The following MARK2 variants were observed in gnomAD, a reference collection of about 807,000 sequenced individuals.
The protein encoded by MARK2 is microtubule affinity regulating kinase 2.
In MARK2, 16 loss-of-function variants were observed where a neutral mutation model predicts 89.8. The ratio of observed to expected loss-of-function variants is 0.18; its 90% confidence interval spans 0.12 to 0.27. The LOEUF (loss-of-function observed/expected upper bound fraction) is 0.27, where lower values mean the gene tolerates loss of function less well. Among genes scored for constraint, MARK2 ranks in the 10% least tolerant of loss-of-function variants. The pLI is 1.00. For synonymous variants in MARK2, 382 were observed against 399.5 expected (o/e 0.96, Z 0.52); for missense variants, 621 against 1,049.9 (o/e 0.59, Z 5.65).
At chr11:63,877,461 C>G (rs1319924154) in intron 1 of MARK2, among the ~76,000 whole-genome samples, 1 of 152,024 alleles carries the variant, frequency 6.6e-6, no homozygotes, top group Non-Finnish European at 1.5e-5. Context: ...TAAAAAGTGC[C>G]TTTTGGCCAG....
At chr11:63,892,077 G>T (rs1040623934) in intron 1 of MARK2, among the ~76,000 whole-genome samples, 6 of 152,260 alleles carry the variant, frequency 3.9e-5, no homozygotes, top group Admixed American at 2.0e-4. Flanking sequence ...CAGAGCACCA[G>T]AGAGCTCTGT....
At position 63,856,778 on chromosome 11, in the gene MARK2, T is replaced by G. The variant is rs1202687309; in HGVS notation, c.54+17218T>G. On this transcript the variant is annotated intron_variant, in intron 1 of 18. Coordinates refer to ENST00000402010, the MANE Select transcript of MARK2 (RefSeq NM_001039469.3). ...TTTTAAATTTTTCATGTTTTTTTTTTTTTTTTTTTTTTTTTTTTTTTTTTT... is the reference window on the plus strand; with the variant it reads ...TTTTAAATTTTTCATGTTTTTTTTTGTTTTTTTTTTTTTTTTTTTTTTTTT... Among the ~76,000 whole-genome samples the G allele has an allele frequency of 5.2e-3, 58 of 11,168 alleles. 1 individual carries two copies. The highest frequency in any genetic ancestry group is 0.036 in the African/African-American group (52 of 1,448). The allele number at this position is 11,168 out of a possible 152,430, so 7.3% of individuals were successfully genotyped here.
chr11:63,861,751 T>TA (rs1006687781), intron 1 of MARK2, among the ~76,000 whole-genome samples: 3 of 150,608 alleles, frequency 2.0e-5, no homozygotes, highest in Admixed American at 1.3e-4. Flanking sequence ...TTTTTTTTTT[T>TA]TTTTTTTGAG....
intron 1 of MARK2, among the ~76,000 whole-genome samples, chr11:63,859,575 T>TC (rs1215791473): frequency 6.6e-6 from 1 of 151,824 alleles, no homozygotes; most frequent in African/African-American, 2.4e-5. Flanking sequence ...CACCTTGGCC[T>TC]CCCAAAGTAC....
Position 63,904,903 on chromosome 11 carries a change from T to C in MARK2, c.1794T>C (p.His598=). Residue 598 remains histidine (H), a synonymous_variant, in exon 16 of 19, where the codon CAT becomes CAC. Coordinates refer to ENST00000402010, the MANE Select transcript of MARK2 (RefSeq NM_001039469.3). The surrounding 1 kb of genome is among the most constrained non-coding windows in gnomAD (Gnocchi z 6.3). ...GTGTGTCCAGCCGAAGCACCTTCCA[T>C]GCTGGGCAGCTCCGACAGGTGCGGG... ...PRGVSSRSTF[H]AGQLRQVRDQ... 1 of 1,614,220 alleles carries C rather than the reference T, an allele frequency of 6.2e-7. No individual in the cohort carries two copies. The highest frequency in any genetic ancestry group is 8.5e-7 in the Non-Finnish European group (1 of 1,180,040).
chr11:63,900,813 C>T lies in MARK2; in HGVS notation c.922C>T (p.His308Tyr). The change falls in exon 10 of 19, where the codon CAC becomes TAC. Residue 308 changes from histidine to tyrosine, a missense_variant. Around this residue, in one of 5 missense-constraint regions of MARK2, gnomAD observed 397 missense variants for 567.8 expected, o/e 0.70. Transcript: ENST00000402010. This position sits in a 1 kb window ranked among gnomAD's most constrained non-coding sequence, Gnocchi z 4.7. ...IMKDRWMNVG[H>Y]EDDELKPYVE... ...GAAAGATCGATGGATGAATGTGGGT[C>T]ACGAAGATGATGAACTAAAGCCTTA... is the stretch of plus-strand genomic sequence containing the variant. 2 of 1,614,130 alleles carry T rather than the reference C, an allele frequency of 1.2e-6. No homozygotes were observed. The highest frequency in any genetic ancestry group is 1.7e-6 in the Non-Finnish European group (2 of 1,180,016).
intron 1 of MARK2, among the ~76,000 whole-genome samples, chr11:63,863,374 C>A (rs1400071997): frequency 6.6e-6 from 1 of 152,054 alleles, no homozygotes; most frequent in South Asian, 2.1e-4. Flanking sequence ...GCTTGTCTAA[C>A]TTCGGCAAGG....
chr11:63,865,804 G>T (rs535829509), intron 1 of MARK2, among the ~76,000 whole-genome samples: 1 of 152,178 alleles, frequency 6.6e-6, no homozygotes, highest in Non-Finnish European at 1.5e-5. Context: ...AGATAGATTT[G>T]GGCCAGGTAA....
Position 63,900,258 on chromosome 11 carries a change from C to T in MARK2, c.768+148C>T. ...TGCTGAGGTAGCAGCAGTCAAAGGC[C>T]TTCTGCACCTGGGAATGAATAACCT... On this transcript the variant is annotated intron_variant, in intron 8 of 18. Coordinates refer to ENST00000402010, the MANE Select transcript of MARK2 (RefSeq NM_001039469.3). The surrounding 1 kb of genome is among the most constrained non-coding windows in gnomAD (Gnocchi z 4.7). 2 of 711,638 alleles carry T rather than the reference C, an allele frequency of 2.8e-6. No individual in the cohort carries two copies. Among genetic ancestry groups the T allele is most frequent in the Admixed American group, 4.7e-5 (2 of 42,956 alleles). The allele number at this position is 711,638 out of a possible 1,614,324, so 44.1% of individuals were successfully genotyped here.
At chr11:63,897,627 G>C (rs906081995) in intron 3 of MARK2, among the ~76,000 whole-genome samples, 1 of 152,220 alleles carries the variant, frequency 6.6e-6, no homozygotes. Context: ...GGAAATACAT[G>C]GTTTGGAGCC....
chr11:63,888,423 C>A, intron 1 of MARK2: 1 of 617,800 alleles, frequency 1.6e-6, no homozygotes, highest in Non-Finnish European at 2.0e-6. Context: ...TGAGTCTCCT[C>A]GACCTCTCGC....
chr11:63,861,980 G>A (rs1259030501), intron 1 of MARK2, among the ~76,000 whole-genome samples: 2 of 137,310 alleles, frequency 1.5e-5, no homozygotes, highest in Non-Finnish European at 3.1e-5. Context: ...CTAGAGTGCA[G>A]TGGCACTGTC....
At position 63,910,652 on chromosome 11, in the gene MARK2, A is replaced by ATTTTTTTTTTTTTTTTTTTTTTT. The variant is rs750155967; in HGVS notation, c.*1429_*1430insTTTTTTTTTTTTTTTTTTTTTTT. ...GTTTTATTTTTTATTATTTTATTTTATTTTTTTTTTTTTTGATTTATGATG... is the reference window on the plus strand; with the variant it reads ...GTTTTATTTTTTATTATTTTATTTTATTTTTTTTTTTTTTTTTTTTTTTTTTTTTTTTTTTTTGATTTATGATG... On this transcript the variant is annotated 3_prime_UTR_variant, in exon 19 of 19. Transcript: ENST00000402010. 6.5e-5 allele frequency: 9 copies of ATTTTTTTTTTTTTTTTTTTTTTT among 137,422 alleles called. No individual in the cohort carries two copies. Among genetic ancestry groups the ATTTTTTTTTTTTTTTTTTTTTTT allele is most frequent in the East Asian group, 2.1e-4 (1 of 4,666 alleles). The allele number at this position is 137,422 out of a possible 1,614,324, so 8.5% of individuals were successfully genotyped here. A position where few individuals can be genotyped will look rare whatever the true frequency, so the allele number is the denominator to read the frequency against.
intron 1 of MARK2, among the ~76,000 whole-genome samples, chr11:63,894,447 A>G (rs962448513): frequency 1.3e-5 from 2 of 152,230 alleles, no homozygotes; most frequent in Admixed American, 6.5e-5. Context: ...CTGTAATTCC[A>G]GCACTTTGGG....
chr11:63,844,711 G>C (rs947407091), intron 1 of MARK2, among the ~76,000 whole-genome samples: 18 of 152,196 alleles, frequency 1.2e-4, no homozygotes, highest in Non-Finnish European at 2.6e-4. Context: ...GACTTTGCTT[G>C]CCTAAGAGGT....
In MARK2 at chr11:63,877,100, C is replaced by CTTT. The variant is rs757123411; in HGVS notation, c.55-18034_55-18032dup. ...TCTTAGAAACCAGTTCAATCAGACT[C>CTTT]TTTTTTTTTTTTTTTTTTTTTTTTT... On this transcript the variant is annotated intron_variant, in intron 1 of 18. Transcript: ENST00000402010. Among the ~76,000 whole-genome samples, 31 of 79,526 alleles carry CTTT rather than the reference C, an allele frequency of 3.9e-4. 4 individuals carry two copies. Among genetic ancestry groups the CTTT allele is most frequent in the African/African-American group, 1.3e-3 (28 of 20,958 alleles). The allele number at this position is 79,526 out of a possible 152,430, so 52.2% of individuals were successfully genotyped here.
chr11:63,909,305 C>G lies in MARK2; in HGVS notation c.*68C>G. 2 of 1,453,376 alleles carry G rather than the reference C, an allele frequency of 1.4e-6. No individual in the cohort carries two copies. Among genetic ancestry groups the G allele is most frequent in the South Asian group, 1.4e-5 (1 of 71,222 alleles). 90.0% of individuals were successfully genotyped at this position (1,453,376 alleles called of 1,614,324 possible). On this transcript the variant is annotated 3_prime_UTR_variant, in exon 19 of 19. Transcript: ENST00000402010. ...CGGGCTGCCGGCCGCTGCGCCGCCC[C>G]ACCTGGGCGAGACTGCAGCGATGGA...
intron 17 of MARK2, among the ~76,000 whole-genome samples, chr11:63,906,638 C>T (rs1045403345): frequency 2.6e-5 from 4 of 152,086 alleles, no homozygotes; most frequent in Non-Finnish European, 5.9e-5. Context: ...GTTTCCTGAA[C>T]TTCAGAGCTA....
Position 63,906,111 on chromosome 11 carries a change from G to T in MARK2, c.1958G>T (p.Arg653Ile). ...VRRNLSFRFA[R>I]RNLNEPESKD... ...AGAAATCTGTCTTTCAGGTTTGCCAGAAGGTAGGCGTTGAGCCCGCTGTGT... is the reference window on the plus strand; with the variant it reads ...AGAAATCTGTCTTTCAGGTTTGCCATAAGGTAGGCGTTGAGCCCGCTGTGT... Residue 653 changes from arginine to isoleucine, a missense_variant, in exon 17 of 19, where the codon AGA becomes ATA. Arg to Ile is a moderately conservative substitution (Grantham distance 97, BLOSUM62 -3). This residue lies in a region of MARK2 where 397 missense variants were observed against 567.8 expected (regional missense o/e 0.70). Transcript: ENST00000402010. 1 of 1,338,956 alleles carries T rather than the reference G, an allele frequency of 7.5e-7. No homozygotes were observed. Among genetic ancestry groups the T allele is most frequent in the Non-Finnish European group, 9.6e-7 (1 of 1,041,792 alleles). 82.9% of individuals were successfully genotyped at this position (1,338,956 alleles called of 1,614,324 possible).
Sources: gnomAD v4.1 joint callset for allele counts (sites outside exome capture counted in the v4.1 genomes callset) on GRCh38, gnomAD v4.1.1 for gene constraint, gnomAD v4.1.1 regional missense constraint, Gnocchi (gnomAD v3.1) non-coding constraint, MANE v1.5 for transcripts, NCBI Gene and HGNC (gene_info 2026-07-23, HGNC 2026-07-21) for gene names.